INTS9: variants seen among roughly 807,000 people sequenced by gnomAD.
INTS9 encodes integrator complex subunit 9, also known as protein related to CPSF subunits of 74 kDa.
INTS9 carries 55 observed loss-of-function variants against 79.7 expected under a neutral mutation model. The observed-to-expected ratio is 0.69, with a 90% CI of 0.56 to 0.86. The LOEUF is 0.86. Ranked by LOEUF, INTS9 falls within the 40% of genes least tolerant of loss-of-function variation. The pLI is 0.00. For synonymous variants in INTS9, 319 were observed against 325.2 expected (o/e 0.98, Z 0.20); for missense variants, 721 against 831.5 (o/e 0.87, Z 1.64).
intron 8 of INTS9, among the ~76,000 whole-genome samples, chr8:28,807,240 C>T (rs949923261): frequency 2.0e-5 from 3 of 151,944 alleles, no homozygotes; most frequent in African/African-American, 4.8e-5. Flanking sequence ...CAATTTTGGC[C>T]CAGAAAATAT....
intron 12 of INTS9, among the ~76,000 whole-genome samples, chr8:28,778,887 C>T (rs757830780): frequency 3.1e-4 from 47 of 152,156 alleles, no homozygotes; most frequent in Non-Finnish European, 5.7e-4. Context: ...AATACTGACC[C>T]CCTTTTCATG....
chr8:28,820,914 T>C lies in INTS9; in HGVS notation c.489-7302A>G, dbSNP rs550198302. The stretch of plus-strand genomic sequence containing the variant: ...TCTGACAACACAGATAAGGTAAAAG[T>C]GTAAAAAAAAAGTGGGGGGAAATAT... On this transcript the variant is annotated intron_variant, in intron 6 of 16. Transcript: ENST00000521022. Among the ~76,000 whole-genome samples, 307 of 143,684 alleles carry C rather than the reference T, an allele frequency of 2.1e-3. 1 individual carries two copies. Among genetic ancestry groups the C allele is most frequent in the Non-Finnish European group, 3.6e-3 (240 of 66,150 alleles). The allele number at this position is 143,684 out of a possible 152,430, so 94.3% of individuals were successfully genotyped here. A position where few individuals can be genotyped will look rare whatever the true frequency, so the allele number is the denominator to read the frequency against.
chr8:28,846,261 G>GTGA (rs1176204302), intron 4 of INTS9, among the ~76,000 whole-genome samples: 9 of 152,210 alleles, frequency 5.9e-5, no homozygotes, highest in Admixed American at 3.9e-4. Context: ...AAGTCTCACT[G>GTGA]TGATAATAAT....
chr8:28,806,006 G>A (rs953276767), intron 8 of INTS9, among the ~76,000 whole-genome samples: 3 of 151,962 alleles, frequency 2.0e-5, no homozygotes, highest in African/African-American at 4.8e-5. Flanking sequence ...AAGGTGGACC[G>A]ATCGCTTGAG....
At chr8:28,843,908 T>C (rs2136791) in intron 4 of INTS9, among the ~76,000 whole-genome samples, 79,236 of 151,992 alleles carry the variant, frequency 0.52, 23,007 homozygotes, top group Non-Finnish European at 0.65. Context: ...CAAGCACCAC[T>C]AGTGGCACTT....
chr8:28,859,279 T>C (rs1252388638), intron 2 of INTS9, among the ~76,000 whole-genome samples, 157 bp downstream of exon 2: 1 of 152,234 alleles, frequency 6.6e-6, no homozygotes, highest in African/African-American at 2.4e-5. Context: ...ACACTTTCCA[T>C]CAGCTCAGCC....
At chr8:28,786,878 T>A (rs890541780) in intron 11 of INTS9, among the ~76,000 whole-genome samples, 2 of 152,054 alleles carry the variant, frequency 1.3e-5, no homozygotes, top group Non-Finnish European at 2.9e-5. Context: ...CCACCACGCC[T>A]GGCTAATTTT....
chr8:28,884,588 C>T (rs1810086347), intron 1 of INTS9, among the ~76,000 whole-genome samples: 1 of 152,060 alleles, frequency 6.6e-6, no homozygotes, highest in South Asian at 2.1e-4. Context: ...TATCACAGAC[C>T]ATTACTGAGA....
intron 1 of INTS9, among the ~76,000 whole-genome samples, chr8:28,882,544 AAAAG>A (rs1287532913): frequency 9.0e-5 from 13 of 144,370 alleles, no homozygotes; most frequent in East Asian, 7.8e-4. Context: ...AAAAAAAAAA[AAAAG>A]AAAAAAAAAA....
intron 4 of INTS9, among the ~76,000 whole-genome samples, chr8:28,838,433 T>G (rs1171227493): frequency 6.6e-6 from 1 of 151,970 alleles, no homozygotes; most frequent in East Asian, 1.9e-4. Flanking sequence ...GGTTAGCATG[T>G]GAGGGAAAAG....
rs1362983040 is a variant in INTS9 at position 28,775,632 on chromosome 8, G to A, written c.1563+127C>T. On this transcript the variant is annotated intron_variant, in intron 14 of 16. Transcript: ENST00000521022. ...CGCCCAAAGTGCTGGGATTATAGGC[G>A]TGAGCTACTGCGCGCAGCCTGGTTC... 13 of 1,023,326 alleles carry A rather than the reference G, an allele frequency of 1.3e-5. No homozygotes were observed. The Admixed American group carries it at 1.4e-4, about 11-fold the overall frequency. 63.4% of individuals were successfully genotyped at this position (1,023,326 alleles called of 1,614,324 possible).
rs1367584817 is a variant in INTS9 at position 28,770,977 on chromosome 8, C to G, written c.1662+5G>C. The G allele has an allele frequency of 6.2e-7, 1 of 1,611,522 alleles. No homozygotes were observed. The highest frequency in any genetic ancestry group is 1.3e-5 in the African/African-American group (1 of 74,848). The stretch of plus-strand genomic sequence containing the variant: ...TCCCCTGCACTCCCACCCAGCACCC[C>G]CTACCTGAAGCAAGTGCTTGTTATC... On this transcript the variant is annotated splice_donor_5th_base_variant and intron_variant, in intron 15 of 16. Coordinates refer to ENST00000521022, the MANE Select transcript of INTS9 (RefSeq NM_018250.4).
At chr8:28,845,174 C>T (rs967464156) in intron 4 of INTS9, among the ~76,000 whole-genome samples, 1 of 152,324 alleles carries the variant, frequency 6.6e-6, no homozygotes, top group Non-Finnish European at 1.5e-5. Context: ...ATCAAAACAA[C>T]CCTCATTTAC....
intron 4 of INTS9, among the ~76,000 whole-genome samples, chr8:28,843,509 G>A (rs963005532): frequency 6.6e-6 from 1 of 152,112 alleles, no homozygotes; most frequent in Non-Finnish European, 1.5e-5. Flanking sequence ...ATTTTTTTAA[G>A]CTTTCCTTTT....
At chr8:28,852,427 G>C (rs1209596304) in intron 2 of INTS9, among the ~76,000 whole-genome samples, 2 of 151,396 alleles carry the variant, frequency 1.3e-5, no homozygotes, top group Admixed American at 6.6e-5. Flanking sequence ...TCATTTCATA[G>C]TCATATATTT....
chr8:28,813,673 C>G, intron 6 of INTS9, 61 bp from the exon 7 acceptor site: 1 of 1,579,182 alleles, frequency 6.3e-7, no homozygotes, highest in Non-Finnish European at 8.6e-7. Flanking sequence ...TACAGCATTC[C>G]TTTCTAGTAA....
intron 1 of INTS9, among the ~76,000 whole-genome samples, chr8:28,868,410 T>A (rs1016247669): frequency 1.3e-5 from 2 of 152,216 alleles, no homozygotes; most frequent in African/African-American, 4.8e-5. Context: ...CAATAGCTCT[T>A]TACTCTCGCT....
chr8:28,791,238 G>C (rs1341183405), intron 10 of INTS9, among the ~76,000 whole-genome samples: 1 of 152,008 alleles, frequency 6.6e-6, no homozygotes, highest in African/African-American at 2.4e-5. Context: ...CATAAATGCA[G>C]AAGGCTCTAT....
intron 2 of INTS9, 64 bp from the exon 3 acceptor site, chr8:28,850,337 G>A (rs1350551801): frequency 7.8e-7 from 1 of 1,274,634 alleles, no homozygotes; most frequent in African/African-American, 1.5e-5. Context: ...TGACTTCATG[G>A]TAACTTACTG....
Sources: allele counts gnomAD v4.1 joint callset (sites outside exome capture counted in the v4.1 genomes callset), GRCh38; gene constraint gnomAD v4.1.1; transcripts MANE v1.5; gene names NCBI Gene and HGNC (gene_info 2026-07-23, HGNC 2026-07-21).